ITGB2: variants seen among roughly 807,000 people sequenced by gnomAD.
ITGB2 encodes integrin beta-2.
A neutral mutation model predicts 86.8 loss-of-function variants in ITGB2; 56 were observed. The observed-to-expected ratio is 0.65, with a 90% CI of 0.52 to 0.81. ITGB2 has a LOEUF of 0.81. Among genes scored for constraint, ITGB2 ranks in the 30% least tolerant of loss-of-function variants. The pLI is 0.00. For missense variants in ITGB2, 948 were observed against 1,061.2 expected (o/e 0.89, Z 1.48); for synonymous variants, 457 against 450.4 (o/e 1.01, Z -0.19).
At chr21:44,887,944 C>T (rs2083723053) in intron 14 of ITGB2, among the ~76,000 whole-genome samples, 1 of 152,218 alleles carries the variant, frequency 6.6e-6, no homozygotes, top group Non-Finnish European at 1.5e-5. Flanking sequence ...GCTGGCCATG[C>T]CTGATGGAGT....
At chr21:44,888,928 G>A (rs1237997323) in intron 13 of ITGB2, 33 bp from the exon 14 acceptor site, 1 of 1,588,700 alleles carries the variant, frequency 6.3e-7, no homozygotes, top group East Asian at 2.3e-5. Flanking sequence ...ATCGGTGCCA[G>A]GGTGTGCGGG....
In ITGB2 at chr21:44,886,871, G is replaced by A. The variant is rs760386808; in HGVS notation, c.2112C>T (p.Ile704=). The stretch of plus-strand genomic sequence containing the variant: ...CGATGCCTGCCACGGTGCCCCCGAC[G>A]ATGGCGGCGATGTTGGGGCCTGCCA... ...ECVAGPNIAA[I]VGGTVAGIVL... The change falls in exon 15 of 16, where the codon ATC becomes ATT. Residue 704 remains isoleucine, a synonymous_variant. Coordinates refer to ENST00000652462, the MANE Select transcript of ITGB2 (RefSeq NM_000211.5). 4 of 1,613,470 alleles carry A rather than the reference G, an allele frequency of 2.5e-6. No individual in the cohort carries two copies. The highest frequency in any genetic ancestry group is 2.2e-5 in the South Asian group (2 of 91,082).
Position 44,901,798 on chromosome 21 carries a change from A to G in ITGB2, c.500-65T>C, listed in dbSNP as rs562190988. The G allele has an allele frequency of 2.3e-4, 364 of 1,550,286 alleles. 4 individuals carry two copies. In the African/African-American group the frequency reaches 4.3e-3, roughly 19 times the overall value. The stretch of plus-strand genomic sequence containing the variant: ...GGCCCAGGTGGGAGGGCCAGCTTCA[A>G]AGGGGCACGAGGGCAAGCCTGTTTC... On this transcript the variant is annotated intron_variant, in intron 5 of 15. Transcript: ENST00000652462.
rs235375 is a variant in ITGB2, at chr21:44,886,557, C to A, written c.2248-127G>T. ...AAGAGCTAGACGTGGGGCAGCCCCC[C>A]CAGGGTCCCAGCACCGGCAGCCAAG... On this transcript the variant is annotated intron_variant, in intron 15 of 15. Transcript: ENST00000652462. 7.1e-5 allele frequency: 98 copies of A among 1,388,116 alleles called. 1 individual carries two copies. The South Asian group carries it at 1.0e-3, about 14-fold the overall frequency. The allele number at this position is 1,388,116 out of a possible 1,614,324, so 86.0% of individuals were successfully genotyped here.
chr21:44,900,331 T>C lies in ITGB2; in HGVS notation c.886A>G (p.Ser296Gly), dbSNP rs2083933086. 6 of 1,614,170 alleles carry C rather than the reference T, an allele frequency of 3.7e-6. No homozygotes were observed. In the South Asian group the frequency reaches 5.5e-5, roughly 15 times the overall value. ...CHLEDNLYKR[S>G]NEFDYPSVGQ... ...GGGTGGGGACTTACGAATTCGTTGC[T>C]CCTCTTGTACAAGTTGTCCTCCAGG... is the stretch of plus-strand genomic sequence containing the variant. The change falls in exon 7 of 16, where the codon AGC (serine) becomes GGC (glycine). Residue 296 changes from serine (S) to glycine (G), a missense_variant. Coordinates refer to ENST00000652462, the MANE Select transcript of ITGB2 (RefSeq NM_000211.5).
intron 10 of ITGB2, chr21:44,893,038 T>TAGG: frequency 6.3e-6 from 2 of 316,284 alleles, no homozygotes; most frequent in Non-Finnish European, 6.3e-6. Context: ...GGTTGATGAG[T>TAGG]AGGACTCTTG....
At chr21:44,910,907 T>A in intron 1 of ITGB2, 122 bp from the exon 2 acceptor site, 1 of 985,316 alleles carries the variant, frequency 1.0e-6, no homozygotes, top group South Asian at 1.4e-5. Flanking sequence ...CTGCAGGGGG[T>A]GGGTTAGGGT....
chr21:44,919,561 C>T (rs1041184948), intron 1 of ITGB2, among the ~76,000 whole-genome samples: 3 of 152,228 alleles, frequency 2.0e-5, no homozygotes, highest in East Asian at 1.9e-4. Flanking sequence ...TCTAGCAGCT[C>T]ATTTCTGTGA....
rs73906937 is a variant in ITGB2 at position 44,902,939 on chromosome 21, T to C, written c.499+426A>G. 3.0e-3 allele frequency among the ~76,000 whole-genome samples: 454 copies of C among 152,342 alleles called. 2 individuals are homozygous for C. The highest frequency in any genetic ancestry group is 0.01 in the African/African-American group (433 of 41,578). On this transcript the variant is annotated intron_variant, in intron 5 of 15. Transcript: ENST00000652462. The stretch of plus-strand genomic sequence containing the variant: ...CTGACACACACGTGTGCTGGAGACC[T>C]GCTCTGTGGCAAGGCAGTGCTGGTG...
chr21:44,903,273 G>A (rs1168220190), intron 5 of ITGB2, 92 bp downstream of exon 5: 8 of 1,506,498 alleles, frequency 5.3e-6, no homozygotes, highest in Non-Finnish European at 7.4e-6. Context: ...CTACCCTGGG[G>A]ACCTGAGTGC....
chr21:44,887,835 G>C (rs949601310), intron 14 of ITGB2, among the ~76,000 whole-genome samples: 6 of 152,218 alleles, frequency 3.9e-5, no homozygotes, highest in Non-Finnish European at 8.8e-5. Flanking sequence ...CTCCAGGCAT[G>C]TCACCTACAG....
At chr21:44,912,421 G>A (rs1041395117) in intron 1 of ITGB2, among the ~76,000 whole-genome samples, 2 of 152,216 alleles carry the variant, frequency 1.3e-5, no homozygotes, top group African/African-American at 4.8e-5. Context: ...CAGCTTAGAC[G>A]CCCCAACAAG....
At position 44,888,660 on chromosome 21, in the gene ITGB2, G is replaced by A. The variant is rs577771584; in HGVS notation, c.2080+33C>T. ...CGGAGACCCCGCAGCCGGAGCTCTG[G>A]AGCCGGTCCCCGCTGCACCCCAGCG... is the stretch of plus-strand genomic sequence containing the variant. On this transcript the variant is annotated intron_variant, in intron 14 of 15. Coordinates refer to ENST00000652462, the MANE Select transcript of ITGB2 (RefSeq NM_000211.5). 250 of 1,599,876 alleles carry A rather than the reference G, an allele frequency of 1.6e-4. 2 individuals are homozygous for A. The Admixed American group carries it at 4.1e-3, about 26-fold the overall frequency.
upstream of ITGB2, among the ~76,000 whole-genome samples, chr21:44,921,573 CAGAG>C (rs376621731): frequency 1.3e-5 from 2 of 150,564 alleles, no homozygotes; most frequent in Admixed American, 1.3e-4. Flanking sequence ...ACTACAGGCT[CAGAG>C]AGAGAGAGAA....
At chr21:44,886,548 G>A (rs2083701153) in intron 15 of ITGB2, 118 bp from the exon 16 acceptor site, 1 of 1,403,630 alleles carries the variant, frequency 7.1e-7, no homozygotes, top group East Asian at 2.3e-5. Flanking sequence ...TAGACGTGGG[G>A]CAGCCCCCCC....
At chr21:44,895,875 T>TG (rs1555855743) in intron 8 of ITGB2, among the ~76,000 whole-genome samples, 3,467 of 131,906 alleles carry the variant, frequency 0.026, 46 homozygotes, top group African/African-American at 0.04. Context: ...TGAAATGAAA[T>TG]AAAAAAATAA....
chr21:44,903,590 C>G, intron 4 of ITGB2, 55 bp from the exon 5 acceptor site: 1 of 1,606,894 alleles, frequency 6.2e-7, no homozygotes, highest in East Asian at 2.2e-5. Context: ...CACAGGGTGT[C>G]TGGGGGCGTG....
intron 3 of ITGB2, among the ~76,000 whole-genome samples, chr21:44,909,666 T>A (rs995982653): frequency 6.6e-6 from 1 of 152,128 alleles, no homozygotes; most frequent in African/African-American, 2.4e-5. Context: ...GAAAATATGC[T>A]CACGAAGACA....
At chr21:44,910,177 A>T in intron 3 of ITGB2, 107 bp downstream of exon 3, 1 of 1,458,694 alleles carries the variant, frequency 6.9e-7, no homozygotes, top group Non-Finnish European at 9.3e-7. Flanking sequence ...GACCCCCTCA[A>T]AAAGAAAATG....
Sources: gnomAD v4.1 joint callset for allele counts (sites outside exome capture counted in the v4.1 genomes callset) on GRCh38, gnomAD v4.1.1 for gene constraint, MANE v1.5 for transcripts, NCBI Gene and HGNC (gene_info 2026-07-23, HGNC 2026-07-21) for gene names.